Variants in GLI2 observed in about 807,000 individuals in gnomAD.
The protein encoded by GLI2 is transcription activator GLI2.
In GLI2, 22 loss-of-function variants were observed where a neutral mutation model predicts 78.9. That is an observed-to-expected ratio of 0.28 (90% confidence interval 0.20 to 0.40). The LOEUF is 0.40. Among genes scored for constraint, GLI2 ranks in the 10% least tolerant of loss-of-function variants. GLI2 has a pLI of 1.00. For synonymous variants in GLI2, 974 were observed against 963.7 expected, an observed-to-expected ratio of 1.01 and a Z score of -0.20; for missense variants, 2,097 against 2,213.2, an observed-to-expected ratio of 0.95 and a Z score of 1.05.
chr2:120,814,617 C>T (rs1370916194), intron 2 of GLI2, among the ~76,000 whole-genome samples: 1 of 152,178 alleles, frequency 6.6e-6, no homozygotes. Context: ...GCATTACCAC[C>T]TGAGCCGCAC....
intron 3 of GLI2, among the ~76,000 whole-genome samples, chr2:120,940,291 C>T (rs1051587475): frequency 1.2e-4 from 18 of 152,128 alleles, no homozygotes; most frequent in African/African-American, 2.7e-4. Flanking sequence ...GGTAGGTTAC[C>T]GACATTTCTA....
intron 1 of GLI2, among the ~76,000 whole-genome samples, chr2:120,794,389 G>A (rs1186413904): frequency 6.6e-6 from 1 of 152,154 alleles, no homozygotes; most frequent in South Asian, 2.1e-4. Flanking sequence ...GGTAGACATG[G>A]GAAGACTTTA....
chr2:120,948,671 C>T (rs1365434982), intron 3 of GLI2, among the ~76,000 whole-genome samples: 2 of 152,192 alleles, frequency 1.3e-5, no homozygotes, highest in African/African-American at 4.8e-5. Flanking sequence ...GCTGTGTGGC[C>T]TCACCATGTA....
intron 1 of GLI2, among the ~76,000 whole-genome samples, chr2:120,793,377 A>G (rs1039581652): frequency 6.6e-6 from 1 of 152,096 alleles, no homozygotes; most frequent in Non-Finnish European, 1.5e-5. Context: ...AGCTCTGTGG[A>G]GCCCGTGGGA....
At chr2:120,774,173 G>A (rs569344664) in intron 1 of GLI2, among the ~76,000 whole-genome samples, 1 of 152,182 alleles carries the variant, frequency 6.6e-6, no homozygotes, top group African/African-American at 2.4e-5. Context: ...TGGCTGAACT[G>A]GGCCTTCCAT....
chr2:120,884,108 A>G (rs1310763843), intron 2 of GLI2, among the ~76,000 whole-genome samples: 1 of 152,218 alleles, frequency 6.6e-6, no homozygotes, highest in African/African-American at 2.4e-5. Flanking sequence ...TCACAACCAC[A>G]GAACACCAGC....
chr2:120,971,327 C>T (rs536008556), intron 7 of GLI2, among the ~76,000 whole-genome samples: 1 of 152,346 alleles, frequency 6.6e-6, no homozygotes, highest in African/African-American at 2.4e-5. Flanking sequence ...GTGAAGGGAC[C>T]ACCCCAGGCC....
At chr2:120,778,767 C>T (rs1683755704) in intron 1 of GLI2, among the ~76,000 whole-genome samples, 2 of 152,242 alleles carry the variant, frequency 1.3e-5, no homozygotes, top group Non-Finnish European at 2.9e-5. Context: ...GCCTGCTTGT[C>T]TTGCTCCTGA....
intron 2 of GLI2, among the ~76,000 whole-genome samples, chr2:120,853,497 C>G (rs546304896): frequency 2.6e-5 from 4 of 152,236 alleles, no homozygotes; most frequent in African/African-American, 9.6e-5. Context: ...GAGCAGCAGG[C>G]CTGCCAGTCT....
intron 2 of GLI2, among the ~76,000 whole-genome samples, chr2:120,921,266 G>T (rs1162788693): frequency 6.6e-6 from 1 of 151,708 alleles, no homozygotes; most frequent in African/African-American, 2.4e-5. Context: ...ATGTGTGTTG[G>T]TGGGGGGTGT....
chr2:120,884,448 A>G (rs1485978950), intron 2 of GLI2, among the ~76,000 whole-genome samples: 2 of 152,180 alleles, frequency 1.3e-5, no homozygotes, highest in African/African-American at 2.4e-5. Flanking sequence ...CCCTGGCCCC[A>G]TTCAGCAGAC....
chr2:120,824,908 C>T (rs1176743193), intron 2 of GLI2, among the ~76,000 whole-genome samples: 3 of 152,064 alleles, frequency 2.0e-5, no homozygotes, highest in Admixed American at 6.5e-5. Flanking sequence ...CAATCGTGGC[C>T]CACTGTAGCC....
intron 1 of GLI2, among the ~76,000 whole-genome samples, chr2:120,793,819 G>A (rs144759432): frequency 0.013 from 1,979 of 152,298 alleles, 40 homozygotes; most frequent in African/African-American, 0.044. Flanking sequence ...GAGCGACCAC[G>A]CCCTGAGGTG....
At chr2:120,805,400 G>A (rs769931366) in intron 2 of GLI2, among the ~76,000 whole-genome samples, 2 of 152,246 alleles carry the variant, frequency 1.3e-5, no homozygotes, top group African/African-American at 2.4e-5. Context: ...GACAGTGCCG[G>A]TGGCTCCTGC....
chr2:120,973,385 T>TA (rs1181559390), intron 8 of GLI2, among the ~76,000 whole-genome samples: 6 of 152,210 alleles, frequency 3.9e-5, no homozygotes, highest in Non-Finnish European at 8.8e-5. Flanking sequence ...TAGGGCCCTA[T>TA]GCCCGCCCTC....
intron 5 of GLI2, among the ~76,000 whole-genome samples, chr2:120,960,697 G>A: frequency 6.6e-6 from 1 of 152,246 alleles, no homozygotes; most frequent in South Asian, 2.1e-4. Flanking sequence ...GGAACACACT[G>A]CAGTGGTGGA....
chr2:120,827,067 G>A (rs1686102164), intron 2 of GLI2, among the ~76,000 whole-genome samples: 1 of 152,210 alleles, frequency 6.6e-6, no homozygotes, highest in Admixed American at 6.5e-5. Context: ...ACAGGGCCTG[G>A]CACTGCCCAT....
rs769826605 is a variant in GLI2, at chr2:120,990,554, C to A, written c.4589C>A (p.Pro1530His). The change falls in exon 14 of 14, where the codon CCC becomes CAC. Residue 1530 changes from proline (P) to histidine (H), a missense_variant. Pro to His is a moderately conservative substitution (Grantham distance 77). Coordinates refer to ENST00000361492, the MANE Select transcript of GLI2 (RefSeq NM_001374353.1). ...LSQNSSRLTT[P>H]RNSLTLPSIP... ...CAGAACTCCTCCCGCCTCACCACCC[C>A]CCGAAACTCCTTGACCCTGCCCTCC... 3.7e-5 allele frequency: 60 copies of A among 1,613,994 alleles called. 1 individual carries two copies. The highest frequency in any genetic ancestry group is 3.3e-4 in the South Asian group (30 of 91,084).
intron 1 of GLI2, among the ~76,000 whole-genome samples, chr2:120,744,573 AC>A (rs997318184): frequency 2.0e-5 from 3 of 152,156 alleles, no homozygotes; most frequent in Non-Finnish European, 2.9e-5. Context: ...ATGTTAGATT[AC>A]CCTTCCTGCT....
Sources: gnomAD v4.1 joint callset for allele counts (sites outside exome capture counted in the v4.1 genomes callset) on GRCh38, gnomAD v4.1.1 for gene constraint, MANE v1.5 for transcripts, NCBI Gene and HGNC (gene_info 2026-07-23, HGNC 2026-07-21) for gene names.